PHF12: variants seen among roughly 807,000 people sequenced by gnomAD.
PHF12 encodes PHD finger protein 12, also known as PHD factor 1.
PHF12 carries 6 observed loss-of-function variants against 99.8 expected under a neutral mutation model. That is an observed-to-expected ratio of 0.06 (90% CI 0.03 to 0.12). The LOEUF (loss-of-function observed/expected upper bound fraction) is 0.12, where lower values mean the gene tolerates loss of function less well. PHF12 is among the 10% of genes least tolerant of loss of function. The pLI, the probability that PHF12 is intolerant of heterozygous loss-of-function variation, is 1.00. For missense variants in PHF12, 954 were observed against 1,300.1 expected, an observed-to-expected ratio of 0.73 and a Z score of 4.09; for synonymous variants, 480 against 514.9, an observed-to-expected ratio of 0.93 and a Z score of 0.92.
intron 8 of PHF12, among the ~76,000 whole-genome samples, chr17:28,913,587 T>C (rs1179463623): frequency 6.6e-6 from 1 of 152,236 alleles, no homozygotes; most frequent in African/African-American, 2.4e-5. Flanking sequence ...TGTCCAGCAC[T>C]ATCACCTAAC....
At chr17:28,939,103 T>C (rs1439652127) in intron 2 of PHF12, among the ~76,000 whole-genome samples, 1 of 152,240 alleles carries the variant, frequency 6.6e-6, no homozygotes, top group Non-Finnish European at 1.5e-5. Context: ...ACCAACAAAC[T>C]GTAGCCTGCA....
intron 11 of PHF12, 43 bp downstream of exon 11, chr17:28,910,183 A>T (rs1474653949): frequency 6.2e-7 from 1 of 1,613,940 alleles, no homozygotes; most frequent in Admixed American, 1.7e-5. Context: ...GCACACGTAG[A>T]GGGGAGATCT....
chr17:28,919,191 G>A lies in PHF12; in HGVS notation c.921C>T (p.Ala307=). The change falls in exon 6 of 15, where the codon GCC becomes GCT. Residue 307 remains alanine (A), a synonymous_variant. Transcript: ENST00000332830. ...GACACATCCATCTGCCCAGGGGCAT[G>A]GCAGTGAGCGGCGGCTCGAGGCAAT... is the stretch of plus-strand genomic sequence containing the variant. ...HMDCLEPPLT[A]MPLGRWMCPN... is the part of the protein sequence containing the mutation. The A allele has an allele frequency of 6.2e-7, 1 of 1,614,236 alleles. No homozygotes were observed. Among genetic ancestry groups the A allele is most frequent in the Non-Finnish European group, 8.5e-7 (1 of 1,180,032 alleles).
At position 28,950,677 on chromosome 17, in the gene PHF12, G is replaced by C. The variant is rs2040794317; in HGVS notation, c.66+218C>G. Reference sequence around the variant, plus strand: ...TGGAGTGGGCTGGCGCCTCGGGAGAGCGAATCGAGGGCGGCGGGTAGGTGA... The same window carrying C: ...TGGAGTGGGCTGGCGCCTCGGGAGACCGAATCGAGGGCGGCGGGTAGGTGA... On this transcript the variant is annotated intron_variant, in intron 1 of 14. Coordinates refer to ENST00000332830, the MANE Select transcript of PHF12 (RefSeq NM_001033561.2). This position sits in a 1 kb window ranked among gnomAD's most constrained non-coding sequence, Gnocchi z 5.7. The C allele has an allele frequency of 1.6e-6, 1 of 629,458 alleles. No individual in the cohort carries two copies. The highest frequency in any genetic ancestry group is 2.5e-6 in the Non-Finnish European group (1 of 393,542). The allele number at this position is 629,458 out of a possible 1,614,324, so 39.0% of individuals were successfully genotyped here.
At chr17:28,913,741 G>A in intron 8 of PHF12, 138 bp downstream of exon 8, 1 of 1,239,958 alleles carries the variant, frequency 8.1e-7, no homozygotes, top group Non-Finnish European at 1.1e-6. Flanking sequence ...GTTCCCCCTG[G>A]AATACTCAAC....
At chr17:28,946,034 G>A (rs542705758) in intron 2 of PHF12, among the ~76,000 whole-genome samples, 7 of 152,212 alleles carry the variant, frequency 4.6e-5, no homozygotes, top group Non-Finnish European at 7.3e-5. Flanking sequence ...TACTCAGAAG[G>A]CTGAGAAAGG....
intron 7 of PHF12, 87 bp downstream of exon 7, chr17:28,917,198 C>T: frequency 1.9e-6 from 3 of 1,578,096 alleles, no homozygotes; most frequent in South Asian, 2.2e-5. Flanking sequence ...TTCAGTTTCC[C>T]TGCCTGTAAA....
chr17:28,910,013 C>T (rs779309940), intron 11 of PHF12: 42 of 727,530 alleles, frequency 5.8e-5, no homozygotes, highest in Non-Finnish European at 7.7e-5. Flanking sequence ...AAGAAAGTTA[C>T]AGCAGACTTC....
chr17:28,950,097 G>A lies in PHF12; in HGVS notation c.216C>T (p.Asp72=), dbSNP rs759903727. The change falls in exon 2 of 15, where the codon GAC becomes GAT. Residue 72 remains aspartate (D), a synonymous_variant. Transcript: ENST00000332830. This position sits in a 1 kb window ranked among gnomAD's most constrained non-coding sequence, Gnocchi z 5.7. ...CKEGGDLLCC[D]HCPAAFHLQC... ...GGAGGTGGAAGGCAGCCGGGCAGTG[G>A]TCGCAGCACAGGAGATCTCCACCTT... 3.8e-5 allele frequency: 61 copies of A among 1,613,168 alleles called. No individual in the cohort carries two copies. The highest frequency in any genetic ancestry group is 5.1e-5 in the Non-Finnish European group (60 of 1,179,688).
At chr17:28,944,125 C>A (rs923778211) in intron 2 of PHF12, among the ~76,000 whole-genome samples, 5 of 152,216 alleles carry the variant, frequency 3.3e-5, no homozygotes, top group African/African-American at 1.2e-4. Flanking sequence ...CTAAATATTC[C>A]TTTGAACCTT....
At position 28,915,683 on chromosome 17, in the gene PHF12, G is replaced by A. The variant is rs1280004501; in HGVS notation, c.1134+1602C>T. On this transcript the variant is annotated intron_variant, in intron 7 of 14. Transcript: ENST00000332830. ...GAAGGGCTAAGTGGAAGAGAAATTCGCAACGAAGATACAAAGTTCTCAGCA... is the reference window on the plus strand; with the variant it reads ...GAAGGGCTAAGTGGAAGAGAAATTCACAACGAAGATACAAAGTTCTCAGCA... 4.6e-5 allele frequency among the ~76,000 whole-genome samples: 7 copies of A among 152,154 alleles called. No homozygotes were observed. In the East Asian group the frequency reaches 9.6e-4, roughly 21 times the overall value.
At chr17:28,948,417 A>G (rs577177463) in intron 2 of PHF12, among the ~76,000 whole-genome samples, 2 of 152,382 alleles carry the variant, frequency 1.3e-5, no homozygotes, top group Admixed American at 6.5e-5. Flanking sequence ...TACACCTTAT[A>G]GGAAGTAAAG....
intron 12 of PHF12, 144 bp from the exon 13 acceptor site, chr17:28,907,816 C>T (rs531600004): frequency 1.8e-4 from 110 of 608,850 alleles, no homozygotes; most frequent in African/African-American, 1.7e-3. Context: ...GGGCCCTCCC[C>T]TTTTATTTTT....
chr17:28,945,810 A>G (rs926144033), intron 2 of PHF12, among the ~76,000 whole-genome samples: 1 of 152,186 alleles, frequency 6.6e-6, no homozygotes, highest in African/African-American at 2.4e-5. Flanking sequence ...ATTATGATGA[A>G]GTCAGATTCA....
At position 28,920,864 on chromosome 17, in the gene PHF12, GTTTTTATTTA is replaced by G. The variant is rs1273149996; in HGVS notation, c.836+814_836+823del. 9.4e-5 allele frequency among the ~76,000 whole-genome samples: 14 copies of G among 149,394 alleles called. No individual in the cohort carries two copies. In the East Asian group the frequency reaches 1.6e-3, roughly 17 times the overall value. ...GCGTGAGCCACCACACCGGGCCATT[GTTTTTATTTA>G]TTTTTATTTATTTTTTTGAGACGGA... On this transcript the variant is annotated intron_variant, in intron 5 of 14. Transcript: ENST00000332830.
chr17:28,928,638 T>C (rs1374951379), intron 2 of PHF12, among the ~76,000 whole-genome samples: 1 of 151,934 alleles, frequency 6.6e-6, no homozygotes, highest in Non-Finnish European at 1.5e-5. Context: ...AAAAATTAGC[T>C]GGGCGTGGTG....
chr17:28,929,087 C>T (rs912333234), intron 2 of PHF12, among the ~76,000 whole-genome samples: 9 of 150,566 alleles, frequency 6.0e-5, no homozygotes, highest in African/African-American at 2.2e-4. Context: ...CAGAGTGAGA[C>T]TCTGTCTCAA....
At chr17:28,932,270 C>T (rs1598149620) in intron 2 of PHF12, among the ~76,000 whole-genome samples, 1 of 152,048 alleles carries the variant, frequency 6.6e-6, no homozygotes, top group Admixed American at 6.6e-5. Flanking sequence ...TAGCTGGGAC[C>T]ACAGGCGCAT....
At chr17:28,930,320 C>T (rs1019550113) in intron 2 of PHF12, among the ~76,000 whole-genome samples, 2 of 152,220 alleles carry the variant, frequency 1.3e-5, no homozygotes, top group Non-Finnish European at 2.9e-5. Flanking sequence ...GTATTCAAAC[C>T]ATTACATGTC....
Sources: allele counts gnomAD v4.1 joint callset (sites outside exome capture counted in the v4.1 genomes callset), GRCh38; gene constraint gnomAD v4.1.1; non-coding constraint Gnocchi (gnomAD v3.1); transcripts MANE v1.5; gene names NCBI Gene and HGNC (gene_info 2026-07-23, HGNC 2026-07-21).